MYH7B: variants seen among roughly 807,000 people sequenced by gnomAD.
The protein encoded by MYH7B is myosin heavy chain 7B.
A neutral mutation model predicts 234.5 loss-of-function variants in MYH7B; 205 were observed. That is an observed-to-expected ratio of 0.87 (90% confidence interval 0.78 to 0.98). The LOEUF (loss-of-function observed/expected upper bound fraction) is 0.98, where lower values mean the gene tolerates loss of function less well. MYH7B is among the 50% of genes least tolerant of loss of function. The pLI, the probability that MYH7B is intolerant of heterozygous loss-of-function variation, is 0.00. For missense variants in MYH7B, 2,652 were observed against 2,633.4 expected, an observed-to-expected ratio of 1.01 and a Z score of -0.15; for synonymous variants, 1,193 against 1,105.0, an observed-to-expected ratio of 1.08 and a Z score of -1.58.
At chr20:34,999,214 A>T (rs757323571) in exon 36 of MYH7B, 1 of 1,612,144 alleles carries the variant, frequency 6.2e-7, no homozygotes, top group African/African-American at 1.3e-5. Flanking sequence ...GCTGCGCTGG[A>T]CAAGAAGCAG....
chr20:34,988,356 G>A (rs2082072588), intron 19 of MYH7B, 94 bp downstream of exon 19: 1 of 1,399,890 alleles, frequency 7.1e-7, no homozygotes, highest in South Asian at 1.4e-5. Flanking sequence ...AAGCCTGCAA[G>A]TGTGCATGGA....
rs2082111975 is a variant in MYH7B at position 34,989,996 on chromosome 20, C to T, written c.1768-18C>T. On this transcript the variant is annotated intron_variant, in intron 20 of 44. Transcript: ENST00000262873. ...CCAGGTCTCCCACCCGGGCTCAGCA[C>T]CTGACTTGTCTCTCCAGGTGCCTTA... The T allele has an allele frequency of 6.2e-7, 1 of 1,613,968 alleles. No individual in the cohort carries two copies. The highest frequency in any genetic ancestry group is 2.2e-5 in the East Asian group (1 of 44,886).
chr20:34,987,934 T>C lies in MYH7B; in HGVS notation c.1416+20T>C. On this transcript the variant is annotated intron_variant, in intron 18 of 44. Transcript: ENST00000262873. ...TTTGAGGTGAGGACAGGCCCTCACC[T>C]TGGCCTCTGTTCTCTCCAAGGTAGA... 6.4e-7 allele frequency: 1 copy of C among 1,572,820 alleles called. No homozygotes were observed. The highest frequency in any genetic ancestry group is 8.6e-7 in the Non-Finnish European group (1 of 1,157,366).
intron 2 of MYH7B, among the ~76,000 whole-genome samples, chr20:34,959,731 C>T (rs2081674912): frequency 6.6e-6 from 1 of 152,184 alleles, no homozygotes; most frequent in Non-Finnish European, 1.5e-5. Context: ...CCTGCCTCAG[C>T]CTCCCAAAGT....
In MYH7B at chr20:34,998,712, C is replaced by G. The variant is rs1316074883; in HGVS notation, c.3994-7C>G. On this transcript the variant is annotated splice_polypyrimidine_tract_variant and splice_region_variant and intron_variant, in intron 34 of 44. Coordinates refer to ENST00000262873, the Ensembl canonical transcript of MYH7B. ...CACTAACGCTGAGGTCACTGGTGTC[C>G]CTGCAGGCCAAGAGTGCCCTGGCCC... The G allele has an allele frequency of 1.9e-6, 3 of 1,610,964 alleles. No individual in the cohort carries two copies. The highest frequency in any genetic ancestry group is 2.7e-5 in the African/African-American group (2 of 74,926).
At chr20:34,961,753 C>T (rs2081699871) in intron 2 of MYH7B, among the ~76,000 whole-genome samples, 1 of 152,194 alleles carries the variant, frequency 6.6e-6, no homozygotes, top group Non-Finnish European at 1.5e-5. Flanking sequence ...CAATCTGTGG[C>T]CTTTTGTAAC....
At chr20:34,990,487 C>T (rs2082124085) in intron 22 of MYH7B, 177 bp downstream of exon 22, 2 of 911,008 alleles carry the variant, frequency 2.2e-6, no homozygotes, top group African/African-American at 3.3e-5. Flanking sequence ...CCTACGCTGC[C>T]TGGGCAGGGT....
At chr20:34,986,745 A>G in intron 14 of MYH7B, 141 bp from the exon 15 acceptor site, 2 of 661,106 alleles carry the variant, frequency 3.0e-6, no homozygotes, top group Non-Finnish European at 2.7e-6. Flanking sequence ...CTTAGGCCCC[A>G]GACTGGGAGA....
At chr20:35,001,442 C>G in exon 43 of MYH7B, 1 of 1,602,228 alleles carries the variant, frequency 6.2e-7, no homozygotes, top group Non-Finnish European at 8.5e-7. Context: ...CCGAGGAGGA[C>G]AGGAAGAACC....
chr20:34,985,790 C>T (rs1010560556), intron 13 of MYH7B, among the ~76,000 whole-genome samples: 4 of 152,054 alleles, frequency 2.6e-5, no homozygotes, highest in Admixed American at 6.6e-5. Context: ...CACGGAGGCT[C>T]GGCCACACAC....
At chr20:34,982,371 G>GGAGGGC (rs2081952917) in intron 9 of MYH7B, 88 bp from the exon 10 acceptor site, 1 of 1,117,556 alleles carries the variant, frequency 8.9e-7, no homozygotes, top group African/African-American at 1.5e-5. Flanking sequence ...AAGGAGAGGT[G>GGAGGGC]GAGGGCTCTG....
chr20:34,985,128 C>CT lies in MYH7B; in HGVS notation c.805dup (p.Tyr269LeufsTer15). On this transcript the variant is annotated frameshift_variant and splice_region_variant, in exon 13 of 45. Transcript: ENST00000262873. LOFTEE classifies it high-confidence loss of function. ...AGCTGGCATCCGCGGATATTGACAGCTGTGAGTCAACCCCCTGCGGGCGGT... is the reference window on the plus strand; with the variant it reads ...AGCTGGCATCCGCGGATATTGACAGCTTGTGAGTCAACCCCCTGCGGGCGGT... 1.9e-6 allele frequency: 3 copies of CT among 1,614,042 alleles called. No homozygotes were observed. The highest frequency in any genetic ancestry group is 2.5e-6 in the Non-Finnish European group (3 of 1,179,912).
At chr20:35,001,961 A>C in exon 44 of MYH7B, 1 of 1,613,472 alleles carries the variant, frequency 6.2e-7, no homozygotes, top group Non-Finnish European at 8.5e-7. Context: ...CAGCAGGCCA[A>C]CACCAACCTG....
exon 10 of MYH7B, chr20:34,982,502 A>G: frequency 6.2e-7 from 1 of 1,613,534 alleles, no homozygotes; most frequent in Non-Finnish European, 8.5e-7. Context: ...CAAGCGGGTC[A>G]TTCAGTACTT....
Position 34,991,041 on chromosome 20 carries a change from C to A in MYH7B, c.2103C>A (p.Arg701=), listed in dbSNP as rs1222410487. 6.2e-7 allele frequency: 1 copy of A among 1,613,760 alleles called. No homozygotes were observed. Among genetic ancestry groups the A allele is most frequent in the African/African-American group, 1.3e-5 (1 of 74,952 alleles). ...CCTTCTTGGTGCTACACCAGCTGCG[C>A]TGCAATGGGGTCCTGGAGGGGATCC... The change falls in exon 24 of 45, where the codon CGC becomes CGA. Residue 701 remains arginine, a synonymous_variant. Transcript: ENST00000262873.
At chr20:34,999,968 ACTCTGCT>A in intron 38 of MYH7B, 62 bp downstream of exon 38, 1 of 1,442,460 alleles carries the variant, frequency 6.9e-7, no homozygotes, top group Non-Finnish European at 9.6e-7. Context: ...AGCAGTGTGT[ACTCTGCT>A]CTCTAGTCTG....
intron 3 of MYH7B, among the ~76,000 whole-genome samples, chr20:34,976,108 G>T (rs76191812): frequency 6.6e-6 from 1 of 152,108 alleles, no homozygotes; most frequent in South Asian, 2.1e-4. Flanking sequence ...CAAAGTGCAC[G>T]CACCTGTGTC....
At chr20:34,977,870 A>G (rs1600418223) in intron 4 of MYH7B, 64 bp from the exon 5 acceptor site, 1 of 1,600,808 alleles carries the variant, frequency 6.2e-7, no homozygotes, top group Non-Finnish European at 8.5e-7. Context: ...GTCGCCTAGT[A>G]TCTGGTCTTG....
chr20:34,997,246 C>T lies in MYH7B; in HGVS notation c.3358-5C>T, dbSNP rs746745374. On this transcript the variant is annotated splice_region_variant and splice_polypyrimidine_tract_variant and intron_variant, in intron 31 of 44. Coordinates refer to ENST00000262873, the Ensembl canonical transcript of MYH7B. ...GGTGACAGCTGCCCCACGTGCCCAC[C>T]CCAGGCTCGGGCGGAGGAGCTGGAA... 1 of 1,557,446 alleles carries T rather than the reference C, an allele frequency of 6.4e-7. No homozygotes were observed. The highest frequency in any genetic ancestry group is 1.2e-5 in the South Asian group (1 of 84,568).
Sources: allele counts gnomAD v4.1 joint callset (sites outside exome capture counted in the v4.1 genomes callset), GRCh38; gene constraint gnomAD v4.1.1; transcripts MANE v1.5; gene names NCBI Gene and HGNC (gene_info 2026-07-23, HGNC 2026-07-21).